Variants in PRKDC observed in about 807,000 individuals in gnomAD.
The protein encoded by PRKDC is protein kinase, DNA-activated, catalytic subunit.
PRKDC carries 82 observed loss-of-function variants against 486.9 expected under a neutral mutation model. That is an observed-to-expected ratio of 0.17 (90% CI 0.14 to 0.20). PRKDC has a LOEUF of 0.20. PRKDC is among the 10% of genes least tolerant of loss of function. The probability of loss-of-function intolerance (pLI) is 1.00; values close to 1 mark genes in which losing one functional copy is unlikely to be tolerated. For missense variants in PRKDC, 4,504 were observed against 5,038.2 expected (o/e 0.89, Z 3.21); for synonymous variants, 1,895 against 1,837.0 (o/e 1.03, Z -0.81).
intron 7 of PRKDC, among the ~76,000 whole-genome samples, chr8:47,950,964 G>A (rs1027632023): frequency 1.3e-5 from 2 of 152,106 alleles, no homozygotes; most frequent in African/African-American, 2.4e-5. Flanking sequence ...TTTGCCTGGG[G>A]AGACCCCATC....
At chr8:47,804,217 G>C (rs1462737273) in intron 69 of PRKDC, among the ~76,000 whole-genome samples, 5 of 151,902 alleles carry the variant, frequency 3.3e-5, no homozygotes, top group Admixed American at 3.3e-4. Context: ...ATGTTTTCTA[G>C]GTTCATGCAT....
chr8:47,778,047 C>G (rs942646928), intron 83 of PRKDC, among the ~76,000 whole-genome samples, 173 bp from the exon 84 acceptor site: 4 of 152,188 alleles, frequency 2.6e-5, no homozygotes, highest in African/African-American at 9.7e-5. Flanking sequence ...GAGTAACCCC[C>G]TCGGCTTGAG....
intron 25 of PRKDC, among the ~76,000 whole-genome samples, chr8:47,908,506 G>A (rs998803797): frequency 2.0e-5 from 3 of 152,172 alleles, no homozygotes; most frequent in Admixed American, 6.5e-5. Flanking sequence ...GAAAGACACA[G>A]AAGGATGCTG....
At chr8:47,812,270 T>G (rs189272742) in intron 68 of PRKDC, among the ~76,000 whole-genome samples, 1 of 152,322 alleles carries the variant, frequency 6.6e-6, no homozygotes, top group East Asian at 1.9e-4. Flanking sequence ...AAAGTATCCC[T>G]GACTACCTTG....
At position 47,864,705 on chromosome 8, in the gene PRKDC, C is replaced by A. The variant is rs369147816; in HGVS notation, c.5422G>T (p.Asp1808Tyr). ...LESVYEMFRKDDPRLSFTRQS... is the reference protein window; with the variant it reads ...LESVYEMFRKYDPRLSFTRQS... ...CGTGTGAAACTTAGGCGGGGGTCAT[C>A]CTTCCTGAACATTTCATACACGCTT... Residue 1808 changes from aspartate to tyrosine, a missense_variant, in exon 41 of 86, where the codon GAT becomes TAT. By Grantham distance (160) the Asp-to-Tyr change is radical. Transcript: ENST00000314191. The A allele has an allele frequency of 6.2e-7, 1 of 1,606,640 alleles. No homozygotes were observed. Among genetic ancestry groups the A allele is most frequent in the African/African-American group, 1.3e-5 (1 of 74,938 alleles).
chr8:47,811,484 G>C (rs1207151932), intron 68 of PRKDC, among the ~76,000 whole-genome samples: 1 of 152,216 alleles, frequency 6.6e-6, no homozygotes, highest in Non-Finnish European at 1.5e-5. Flanking sequence ...GATGAGTACA[G>C]TGTGGTAAGT....
chr8:47,934,109 T>C lies in PRKDC; in HGVS notation c.1498-19A>G. 1.2e-6 allele frequency: 2 copies of C among 1,608,196 alleles called. No homozygotes were observed. Among genetic ancestry groups the C allele is most frequent in the Non-Finnish European group, 1.7e-6 (2 of 1,177,142 alleles). On this transcript the variant is annotated intron_variant, in intron 14 of 85. Transcript: ENST00000314191. ...CAGGGCCCTGGCCAGAAAGACAGCATGACAATATGTAGTGATGGATTCTCA... is the reference window on the plus strand; with the variant it reads ...CAGGGCCCTGGCCAGAAAGACAGCACGACAATATGTAGTGATGGATTCTCA...
Position 47,782,627 on chromosome 8 carries a change from C to A in PRKDC, c.11176-29G>T, listed in dbSNP as rs746597037. ...CAAAAATCAGAATGTCATCTCAGGG[C>A]ACAGGCTAGCCACGTGTCAAACTCA... On this transcript the variant is annotated intron_variant, in intron 78 of 85. Coordinates refer to ENST00000314191, the MANE Select transcript of PRKDC (RefSeq NM_006904.7). This position sits in a 1 kb window ranked among gnomAD's most constrained non-coding sequence, Gnocchi z 4.9. 6 of 1,547,358 alleles carry A rather than the reference C, an allele frequency of 3.9e-6. No individual in the cohort carries two copies. Among genetic ancestry groups the A allele is most frequent in the Middle Eastern group, 1.7e-4 (1 of 5,986 alleles).
chr8:47,955,728 G>T, intron 4 of PRKDC, 146 bp downstream of exon 4: 1 of 596,824 alleles, frequency 1.7e-6, no homozygotes, highest in Non-Finnish European at 2.9e-6. Context: ...GGTGATGGTT[G>T]GAGAATGTGC....
intron 52 of PRKDC, among the ~76,000 whole-genome samples, chr8:47,852,330 G>A (rs149922805): frequency 6.6e-6 from 1 of 152,288 alleles, no homozygotes; most frequent in African/African-American, 2.4e-5. Context: ...GGGGAGGACA[G>A]CAGCTATCTA....
At chr8:47,887,727 A>G (rs1160020622) in intron 34 of PRKDC, 22 bp from the exon 35 acceptor site, 12 of 1,575,130 alleles carry the variant, frequency 7.6e-6, no homozygotes, top group Non-Finnish European at 9.5e-6. Flanking sequence ...CCAACACTGA[A>G]ATGCCTAGCA....
intron 17 of PRKDC, among the ~76,000 whole-genome samples, chr8:47,930,445 TG>T (rs1350383098): frequency 2.0e-5 from 3 of 152,152 alleles, no homozygotes; most frequent in African/African-American, 4.8e-5. Context: ...GCGAATTTTT[TG>T]TATCTTTAGT....
At chr8:47,915,558 T>C in intron 22 of PRKDC, 140 bp from the exon 23 acceptor site, 1 of 558,292 alleles carries the variant, frequency 1.8e-6, no homozygotes, top group Non-Finnish European at 3.1e-6. Context: ...CAGGATCCTT[T>C]CCACTCTTAA....
chr8:47,867,104 A>G (rs1480303082), intron 40 of PRKDC, among the ~76,000 whole-genome samples: 1 of 152,160 alleles, frequency 6.6e-6, no homozygotes, highest in African/African-American at 2.4e-5. Context: ...GGGCTACTTT[A>G]AAATACTATG....
At chr8:47,889,410 G>A (rs144082855) in intron 32 of PRKDC, among the ~76,000 whole-genome samples, 188 bp from the exon 33 acceptor site, 3 of 152,312 alleles carry the variant, frequency 2.0e-5, no homozygotes, top group Admixed American at 1.3e-4. Context: ...AACTCCTTAC[G>A]CGTCTGATAA....
rs1410525549 is a variant in PRKDC, at chr8:47,823,863, C to T, written c.8917G>A (p.Asp2973Asn). 1.2e-6 allele frequency: 2 copies of T among 1,613,580 alleles called. No homozygotes were observed. Among genetic ancestry groups the T allele is most frequent in the Non-Finnish European group, 1.7e-6 (2 of 1,179,706 alleles). The part of the protein sequence containing the change: ...SDYSEAAKQY[D>N]EALNKQDWVD... ...TTGCCAGAGATCAATTTTACCTCATCATACTGCTTAGCAGCTTCAGAATAA... is the reference window on the plus strand; with the variant it reads ...TTGCCAGAGATCAATTTTACCTCATTATACTGCTTAGCAGCTTCAGAATAA... The change falls in exon 64 of 86, where the codon GAT (aspartate) becomes AAT (asparagine). Residue 2973 changes from aspartate to asparagine, a missense_variant. Physicochemically the swap from Asp to Asn is conservative, Grantham distance 23. Coordinates refer to ENST00000314191, the MANE Select transcript of PRKDC (RefSeq NM_006904.7).
intron 40 of PRKDC, among the ~76,000 whole-genome samples, chr8:47,875,614 T>C (rs1011270341): frequency 1.3e-5 from 2 of 152,240 alleles, no homozygotes; most frequent in African/African-American, 4.8e-5. Context: ...TTTATTCTTA[T>C]TTTATTCAGA....
At chr8:47,948,772 T>A (rs1206957171) in intron 7 of PRKDC, among the ~76,000 whole-genome samples, 1 of 152,140 alleles carries the variant, frequency 6.6e-6, no homozygotes, top group East Asian at 1.9e-4. Flanking sequence ...CTGGGTGCCT[T>A]ATATATATGT....
intron 36 of PRKDC, among the ~76,000 whole-genome samples, chr8:47,885,035 T>C (rs760363416): frequency 1.6e-4 from 25 of 152,380 alleles, no homozygotes; most frequent in Non-Finnish European, 3.2e-4. Flanking sequence ...AGCCACATCT[T>C]GGCAAATGTC....
Sources: gnomAD v4.1 joint callset for allele counts (sites outside exome capture counted in the v4.1 genomes callset) on GRCh38, gnomAD v4.1.1 for gene constraint, Gnocchi (gnomAD v3.1) non-coding constraint, MANE v1.5 for transcripts, NCBI Gene and HGNC (gene_info 2026-07-23, HGNC 2026-07-21) for gene names.